The following QPCT variants were observed in gnomAD, a reference collection of about 807,000 sequenced individuals.
The protein encoded by QPCT is EC.
Under a neutral mutation model 43.4 loss-of-function variants are expected in QPCT, and 44 were observed. The observed-to-expected ratio is 1.01, with a 90% CI of 0.80 to 1.30. The LOEUF (loss-of-function observed/expected upper bound fraction) is 1.30. Ranked by LOEUF, QPCT falls within the 50% of genes most tolerant of loss-of-function variation. The pLI is 0.00. For synonymous variants in QPCT, 168 were observed against 168.4 expected, an observed-to-expected ratio of 1.00 and a Z score of 0.02; for missense variants, 526 against 436.5, an observed-to-expected ratio of 1.21 and a Z score of -1.83.
At position 37,347,795 on chromosome 2, in the gene QPCT, C is replaced by A. The variant is rs1309604957; in HGVS notation, c.120+2944C>A. On this transcript the variant is annotated intron_variant, in intron 1 of 6. Coordinates refer to ENST00000338415, the MANE Select transcript of QPCT (RefSeq NM_012413.4). ...GCTATTAAACAGAATCTCATTAAAT[C>A]ATTCTTCCTTAGGTGCGAATGACTG... Among the ~76,000 whole-genome samples the A allele has an allele frequency of 3.3e-5, 5 of 152,288 alleles. No individual in the cohort carries two copies. In the South Asian group the frequency reaches 1.0e-3, roughly 32 times the overall value.
intron 6 of QPCT, 105 bp downstream of exon 6, chr2:37,372,577 A>G: frequency 1.4e-6 from 2 of 1,478,008 alleles, no homozygotes; most frequent in Non-Finnish European, 1.9e-6. Flanking sequence ...ATGAATTATC[A>G]GCTGTCTTTA....
At position 37,359,583 on chromosome 2, in the gene QPCT, A is replaced by G; in HGVS notation, c.271A>G (p.Ile91Val). The G allele has an allele frequency of 6.2e-7, 1 of 1,613,496 alleles. No individual in the cohort carries two copies. The stretch of plus-strand genomic sequence containing the variant: ...TTTGTTTTTTTGTTTTGATCAGCAC[A>G]TCATGCAGCGAATTCAGAGGCTTCA... ...SPGSYAARQHIMQRIQRLQAD... is the reference protein window; with the variant it reads ...SPGSYAARQHVMQRIQRLQAD... The change falls in exon 3 of 7, where the codon ATC (isoleucine) becomes GTC (valine). Residue 91 changes from isoleucine to valine, a missense_variant. Transcript: ENST00000338415.
intron 3 of QPCT, among the ~76,000 whole-genome samples, chr2:37,362,809 AGAGGTGAGGAAGGG>A (rs1672878163): frequency 6.6e-6 from 1 of 152,226 alleles, no homozygotes; most frequent in East Asian, 1.9e-4. Context: ...TGAGGAAGGC[AGAGGTGAGGAAGGG>A]GCTGGTGTGG....
intron 4 of QPCT, chr2:37,368,713 A>G: frequency 1.9e-5 from 9 of 471,120 alleles, no homozygotes; most frequent in South Asian, 1.4e-4. Flanking sequence ...CATTCAGAAC[A>G]TATTCACAAG....
chr2:37,349,676 A>G (rs1213353801), intron 1 of QPCT, among the ~76,000 whole-genome samples: 1 of 152,180 alleles, frequency 6.6e-6, no homozygotes, highest in African/African-American at 2.4e-5. Context: ...CCAGCTCTTC[A>G]TCGTCAGAAG....
chr2:37,358,169 T>G (rs1672786250), intron 2 of QPCT, among the ~76,000 whole-genome samples: 1 of 149,432 alleles, frequency 6.7e-6, no homozygotes, highest in Non-Finnish European at 1.5e-5. Context: ...TGCCAGCTCT[T>G]TGGGAGGCCG....
intron 2 of QPCT, among the ~76,000 whole-genome samples, chr2:37,357,844 G>A (rs1672780437): frequency 6.6e-6 from 1 of 151,926 alleles, no homozygotes; most frequent in Non-Finnish European, 1.5e-5. Context: ...AGGCCACATG[G>A]GACTTGGCTA....
intron 1 of QPCT, 131 bp downstream of exon 1, chr2:37,344,982 G>T: frequency 7.6e-7 from 1 of 1,323,270 alleles, no homozygotes; most frequent in Non-Finnish European, 9.9e-7. Flanking sequence ...AGGCACCGGC[G>T]CCCCACCCGG....
chr2:37,372,822 T>A lies in QPCT; in HGVS notation c.1081T>A (p.Leu361Met), dbSNP rs768544928. The A allele has an allele frequency of 7.5e-6, 12 of 1,607,190 alleles. No homozygotes were observed. Among genetic ancestry groups the A allele is most frequent in the Non-Finnish European group, 1.0e-5 (12 of 1,176,250 alleles). Residue 361 changes from leucine to methionine, a missense_variant, in exon 7 of 7, where the codon TTG becomes ATG. Leu to Met is a conservative substitution (Grantham distance 15). Coordinates refer to ENST00000338415, the MANE Select transcript of QPCT (RefSeq NM_012413.4). ...AGTCTTTGTGTTGGAATATCTTCAT[T>A]TGTAATACTCTGATTTAGTTTAGGA... ...LQVFVLEYLH[L>M]
chr2:37,358,287 G>C (rs917308051), intron 2 of QPCT, among the ~76,000 whole-genome samples: 1 of 151,900 alleles, frequency 6.6e-6, no homozygotes, highest in Non-Finnish European at 1.5e-5. Context: ...ACCCACAAAA[G>C]TTAGTCAGGC....
At chr2:37,359,911 C>A in intron 3 of QPCT, 53 bp downstream of exon 3, 1 of 1,546,272 alleles carries the variant, frequency 6.5e-7, no homozygotes, top group Non-Finnish European at 8.9e-7. Flanking sequence ...AACAGTAACT[C>A]AGAGTGAATT....
rs1265006723 is a variant in QPCT at position 37,372,480 on chromosome 2, G to T, written c.940+8G>T. 1.3e-6 allele frequency: 2 copies of T among 1,556,418 alleles called. No homozygotes were observed. Among genetic ancestry groups the T allele is most frequent in the Non-Finnish European group, 1.8e-6 (2 of 1,131,148 alleles). ...TTCCATTTTTAAGAAGAGGTAATGT[G>T]TGTGTGTGTGTGTGTTTGTGTGTGT... On this transcript the variant is annotated splice_region_variant and intron_variant, in intron 6 of 6. Coordinates refer to ENST00000338415, the MANE Select transcript of QPCT (RefSeq NM_012413.4).
chr2:37,353,518 C>T (rs1672667732), intron 2 of QPCT, among the ~76,000 whole-genome samples: 2 of 152,194 alleles, frequency 1.3e-5, no homozygotes, highest in Admixed American at 6.5e-5. Flanking sequence ...ATTCTTACAG[C>T]ATTTTACTGC....
intron 5 of QPCT, among the ~76,000 whole-genome samples, chr2:37,370,403 T>A (rs1484593541): frequency 6.6e-6 from 1 of 152,162 alleles, no homozygotes; most frequent in Non-Finnish European, 1.5e-5. Flanking sequence ...TATTTGAAAA[T>A]ATTTTCCCAG....
chr2:37,369,878 G>A (rs931163136), intron 5 of QPCT, 94 bp downstream of exon 5: 28 of 1,175,278 alleles, frequency 2.4e-5, no homozygotes, highest in South Asian at 1.0e-4. Flanking sequence ...TTGGCTGGGC[G>A]CAGTGGCTCA....
At chr2:37,362,480 C>T (rs969575654) in intron 3 of QPCT, among the ~76,000 whole-genome samples, 6 of 152,196 alleles carry the variant, frequency 3.9e-5, no homozygotes, top group African/African-American at 7.2e-5. Flanking sequence ...TTACACTGTC[C>T]TTTCCTCATG....
At chr2:37,347,181 CAT>C (rs1183593319) in intron 1 of QPCT, among the ~76,000 whole-genome samples, 1,401 of 36,018 alleles carry the variant, frequency 0.039, 175 homozygotes, top group East Asian at 0.085. Context: ...ATATATATAA[CAT>C]ATATATATAA....
At chr2:37,353,767 C>G (rs1672673734) in intron 2 of QPCT, among the ~76,000 whole-genome samples, 1 of 152,224 alleles carries the variant, frequency 6.6e-6, no homozygotes, top group African/African-American at 2.4e-5. Flanking sequence ...AGGAATGGGA[C>G]TGGCCCTTCA....
chr2:37,361,319 G>C (rs1010111902), intron 3 of QPCT, among the ~76,000 whole-genome samples: 1 of 152,138 alleles, frequency 6.6e-6, no homozygotes, highest in Non-Finnish European at 1.5e-5. Context: ...AAGTAGACTG[G>C]ATTATTCGCA....
Sources: gnomAD v4.1 joint callset for allele counts (sites outside exome capture counted in the v4.1 genomes callset) on GRCh38, gnomAD v4.1.1 for gene constraint, MANE v1.5 for transcripts, NCBI Gene and HGNC (gene_info 2026-07-23, HGNC 2026-07-21) for gene names.